The following KIF18B variants were observed in gnomAD, a reference collection of about 807,000 sequenced individuals.
KIF18B encodes kinesin family member 18B.
A neutral mutation model predicts 80.9 loss-of-function variants in KIF18B; 49 were observed. The observed-to-expected ratio is 0.61, with a 90% CI of 0.48 to 0.77. The LOEUF (loss-of-function observed/expected upper bound fraction) is 0.77, where lower values mean the gene tolerates loss of function less well. Among genes scored for constraint, KIF18B ranks in the 30% least tolerant of loss-of-function variants. The probability of loss-of-function intolerance (pLI) is 0.00; values close to 1 mark genes in which losing one functional copy is unlikely to be tolerated. For synonymous variants in KIF18B, 439 were observed against 463.9 expected, an observed-to-expected ratio of 0.95 and a Z score of 0.69; for missense variants, 994 against 1,127.7, an observed-to-expected ratio of 0.88 and a Z score of 1.70.
chr17:44,930,151 A>G (rs1032753211), intron 11 of KIF18B, among the ~76,000 whole-genome samples: 1 of 152,216 alleles, frequency 6.6e-6, no homozygotes, highest in Non-Finnish European at 1.5e-5. Flanking sequence ...ATGGACACAG[A>G]GGAAACTCAT....
intron 1 of KIF18B, among the ~76,000 whole-genome samples, chr17:44,942,181 G>A (rs1282013177): frequency 6.6e-6 from 1 of 152,218 alleles, no homozygotes; most frequent in Non-Finnish European, 1.5e-5. Context: ...TGTCAAGTTT[G>A]CTTTGATCCT....
chr17:44,934,764 A>G lies in KIF18B; in HGVS notation c.576+67T>C. The G allele has an allele frequency of 3.0e-6, 4 of 1,343,732 alleles. 1 individual carries two copies. The South Asian group carries it at 4.1e-5, about 14-fold the overall frequency. The allele number at this position is 1,343,732 out of a possible 1,614,324, so 83.2% of individuals were successfully genotyped here. On this transcript the variant is annotated intron_variant, in intron 4 of 15. Transcript: ENST00000593135. The surrounding 1 kb of genome is among the most constrained non-coding windows in gnomAD (Gnocchi z 5.4). ...CATCACAGGACCCAGGGCATCCCCAAACAGTTTTGTGAGGGAACCCCAAGG... is the reference window on the plus strand; with the variant it reads ...CATCACAGGACCCAGGGCATCCCCAGACAGTTTTGTGAGGGAACCCCAAGG...
Position 44,928,140 on chromosome 17 carries a change from T to A in KIF18B, c.2162A>T (p.Asn721Ile). 2 of 1,606,670 alleles carry A rather than the reference T, an allele frequency of 1.2e-6. No individual in the cohort carries two copies. Among genetic ancestry groups the A allele is most frequent in the Non-Finnish European group, 8.5e-7 (1 of 1,176,436 alleles). Residue 721 changes from asparagine (N) to isoleucine (I), a missense_variant, in exon 13 of 16, where the codon AAT becomes ATT. Coordinates refer to ENST00000593135, the MANE Select transcript of KIF18B (RefSeq NM_001265577.2). ...CTCCTCAGAGAGATCAAAGGTGGCATTGAGGTCTCGAGTGGGCAGAGCCAG... is the reference window on the plus strand; with the variant it reads ...CTCCTCAGAGAGATCAAAGGTGGCAATGAGGTCTCGAGTGGGCAGAGCCAG... Reference protein sequence around the residue: ...TPLALPTRDLNATFDLSEEPP... With the variant: ...TPLALPTRDLIATFDLSEEPP...
At chr17:44,932,456 T>TGG in intron 9 of KIF18B, 1 of 594,504 alleles carries the variant, frequency 1.7e-6, no homozygotes, top group African/African-American at 1.9e-5. Context: ...TCTCGAATAG[T>TGG]AGGCCCTGCT....
rs1404053475 is a variant in KIF18B, at chr17:44,930,047, C to T, written c.1518-1023G>A. Among the ~76,000 whole-genome samples the T allele has an allele frequency of 2.6e-5, 4 of 152,332 alleles. No individual in the cohort carries two copies. In the South Asian group the frequency reaches 8.3e-4, roughly 32 times the overall value. On this transcript the variant is annotated intron_variant, in intron 11 of 15. Coordinates refer to ENST00000593135, the MANE Select transcript of KIF18B (RefSeq NM_001265577.2). ...GCCTGGACATCTCTGAAGCCCCCTC[C>T]ACTGCCCTCAGTCAGGGTGTGCTGA...
chr17:44,928,992 C>A lies in KIF18B; in HGVS notation c.1550G>T (p.Arg517Leu). 2 of 1,614,002 alleles carry A rather than the reference C, an allele frequency of 1.2e-6. No homozygotes were observed. The highest frequency in any genetic ancestry group is 1.7e-6 in the Non-Finnish European group (2 of 1,179,890). The change falls in exon 12 of 16, where the codon CGG becomes CTG. Residue 517 changes from arginine (R) to leucine (L), a missense_variant. Physicochemically the swap from Arg to Leu is moderately radical, Grantham distance 102 (BLOSUM62 -2). Transcript: ENST00000593135. ...LALKVLCVAQ[R>L]QYSLLQAANL... is the part of the protein sequence containing the mutation. ...GGCTGCTTGGAGCAGGGAGTACTGC[C>A]GCTGGGCAACGCACAGCACCTTTAG...
rs2145693026 is a variant in KIF18B, at chr17:44,932,701, ATCCTGGGAGG to A, written c.1200_1209del (p.Gly403SerfsTer78). The A allele has an allele frequency of 6.2e-7, 1 of 1,612,370 alleles. No homozygotes were observed. The highest frequency in any genetic ancestry group is 8.5e-7 in the Non-Finnish European group (1 of 1,179,570). ...TCTGGTGGTGGTCCCGACTTGGGAG[ATCCTGGGAGG>A]TCCTGTGGTGGGGGCTGGCCTCCCC... On this transcript the variant is annotated frameshift_variant, in exon 9 of 16. Transcript: ENST00000593135. LOFTEE classifies it high-confidence loss of function.
At chr17:44,931,926 T>C (rs775711148) in intron 10 of KIF18B, 130 bp downstream of exon 10, 37 of 1,205,804 alleles carry the variant, frequency 3.1e-5, no homozygotes, top group Non-Finnish European at 3.6e-5. Context: ...ATCCTCCTAA[T>C]GACTAAGGTG....
At chr17:44,929,415 C>A (rs895675234) in intron 11 of KIF18B, among the ~76,000 whole-genome samples, 1 of 152,184 alleles carries the variant, frequency 6.6e-6, no homozygotes, top group African/African-American at 2.4e-5. Flanking sequence ...ACCCTAAGGG[C>A]AGTGCAAAGG....
rs2052292706 is a variant in KIF18B at position 44,936,371 on chromosome 17, T to C, written c.-14-13A>G. 3 of 1,578,198 alleles carry C rather than the reference T, an allele frequency of 1.9e-6. No individual in the cohort carries two copies. Among genetic ancestry groups the C allele is most frequent in the East Asian group, 2.3e-5 (1 of 43,494 alleles). On this transcript the variant is annotated splice_polypyrimidine_tract_variant and intron_variant, in intron 1 of 15. Transcript: ENST00000593135. ...ACTGTGGTGACACCTGGGTGAGACA[T>C]GGTGGAGCTGAGGACCAATCCCACC...
At chr17:44,931,013 G>C (rs866669656) in intron 11 of KIF18B, among the ~76,000 whole-genome samples, 6 of 152,142 alleles carry the variant, frequency 3.9e-5, no homozygotes, top group African/African-American at 1.4e-4. Context: ...GGAAGAGCGG[G>C]ATGGCAGTAA....
rs1345434563 is a variant in KIF18B at position 44,935,311 on chromosome 17, A to G, written c.419T>C (p.Leu140Pro). ...YLTTVELYRR[L>P]EARQQEKHFE... ...GTGCTTCTCCTGCTGGCGGGCCTCC[A>G]GGCGCCTGTACAGTTCCACGGTGGT... is the stretch of plus-strand genomic sequence containing the variant. The change falls in exon 3 of 16, where the codon CTG (leucine) becomes CCG (proline). Residue 140 changes from leucine to proline, a missense_variant. By Grantham distance (98) the Leu-to-Pro change is moderately conservative. Transcript: ENST00000593135. The G allele has an allele frequency of 6.2e-7, 1 of 1,611,612 alleles. No individual in the cohort carries two copies. The highest frequency in any genetic ancestry group is 1.7e-5 in the Admixed American group (1 of 59,870).
Position 44,934,338 on chromosome 17 carries a change from C to G in KIF18B, c.780G>C (p.Arg260=), listed in dbSNP as rs766948626. 1 of 1,608,178 alleles carries G rather than the reference C, an allele frequency of 6.2e-7. No individual in the cohort carries two copies. ...MSLIDLAGSE[R]ASSTHAKGER... ...CCCCCTTCGCATGGGTGCTGGATGC[C>G]CGCTCTGAGCCAGCCAGGTCAATCA... The change falls in exon 6 of 16, where the codon CGG becomes CGC. Residue 260 remains arginine (R), a synonymous_variant. Coordinates refer to ENST00000593135, the MANE Select transcript of KIF18B (RefSeq NM_001265577.2). This position sits in a 1 kb window ranked among gnomAD's most constrained non-coding sequence, Gnocchi z 5.4.
chr17:44,936,931 C>T lies in KIF18B; in HGVS notation c.-14-573G>A, dbSNP rs749981010. On this transcript the variant is annotated intron_variant, in intron 1 of 15. Coordinates refer to ENST00000593135, the MANE Select transcript of KIF18B (RefSeq NM_001265577.2). The stretch of plus-strand genomic sequence containing the variant: ...TGTTGGGATTACAGGCATGAGCCAC[C>T]GCGCCAGGCCTCAAATGACTATATT... 2.6e-5 allele frequency among the ~76,000 whole-genome samples: 4 copies of T among 151,726 alleles called. 1 individual carries two copies. The Middle Eastern group carries it at 0.01, about 387-fold the overall frequency.
At chr17:44,946,871 A>G (rs979063835) in intron 1 of KIF18B, among the ~76,000 whole-genome samples, 12 of 152,132 alleles carry the variant, frequency 7.9e-5, no homozygotes, top group Non-Finnish European at 5.9e-5. Context: ...CTGTAATCCC[A>G]GCACTTTGGG....
intron 7 of KIF18B, 102 bp from the exon 8 acceptor site, chr17:44,933,088 C>T (rs575433443): frequency 2.4e-4 from 241 of 1,022,828 alleles, no homozygotes; most frequent in Non-Finnish European, 3.3e-4. Flanking sequence ...CCCACGTCCC[C>T]ATGACCCACC....
In KIF18B at chr17:44,926,479, C is replaced by G; in HGVS notation, c.2387G>C (p.Arg796Pro). 1.3e-6 allele frequency: 2 copies of G among 1,586,774 alleles called. No individual in the cohort carries two copies. The highest frequency in any genetic ancestry group is 1.7e-6 in the Non-Finnish European group (2 of 1,168,384). ...GCTGGGGAGGCGGGCGATGCGGCTG[C>G]GGCCATGGGAGACTGAGGAACTGAG... ...RVASSSVSHG[R>P]SRIARLPSST... The change falls in exon 15 of 16, where the codon CGC becomes CCC. Residue 796 changes from arginine (R) to proline (P), a missense_variant. Arg to Pro is a moderately radical substitution (Grantham distance 103). Coordinates refer to ENST00000593135, the MANE Select transcript of KIF18B (RefSeq NM_001265577.2).
intron 1 of KIF18B, among the ~76,000 whole-genome samples, chr17:44,936,617 TATATA>T (rs2052311447): frequency 3.5e-5 from 3 of 86,252 alleles, no homozygotes; most frequent in Non-Finnish European, 6.8e-5. Context: ...TATATATATA[TATATA>T]TATTTTTTTT....
At chr17:44,940,978 C>G (rs1408191408) in intron 1 of KIF18B, among the ~76,000 whole-genome samples, 3 of 152,176 alleles carry the variant, frequency 2.0e-5, no homozygotes, top group Non-Finnish European at 2.9e-5. Context: ...TAGCTAAGTG[C>G]TCACTGCATC....
Sources: gnomAD v4.1 joint callset for allele counts (sites outside exome capture counted in the v4.1 genomes callset) on GRCh38, gnomAD v4.1.1 for gene constraint, Gnocchi (gnomAD v3.1) non-coding constraint, MANE v1.5 for transcripts, NCBI Gene and HGNC (gene_info 2026-07-23, HGNC 2026-07-21) for gene names.